SPIRE1: variants seen among roughly 807,000 people sequenced by gnomAD.
SPIRE1 encodes protein spire homolog 1.
Under a neutral mutation model 94.1 loss-of-function variants are expected in SPIRE1, and 40 were observed. The observed-to-expected ratio is 0.43, with a 90% CI of 0.33 to 0.55. The LOEUF (loss-of-function observed/expected upper bound fraction) is 0.55. Ranked by LOEUF, SPIRE1 falls within the 20% of genes least tolerant of loss-of-function variation. SPIRE1 has a pLI of 0.06. For synonymous variants in SPIRE1, 376 were observed against 371.7 expected (o/e 1.01, Z -0.13); for missense variants, 838 against 975.2 (o/e 0.86, Z 1.87).
At chr18:12,606,315 A>G (rs1350903540) in intron 2 of SPIRE1, among the ~76,000 whole-genome samples, 1 of 152,150 alleles carries the variant, frequency 6.6e-6, no homozygotes, top group African/African-American at 2.4e-5. Context: ...TGTCTGGCAC[A>G]TTAAGTTCTC....
chr18:12,502,084 C>T (rs553408796), intron 6 of SPIRE1, among the ~76,000 whole-genome samples: 1 of 152,274 alleles, frequency 6.6e-6, no homozygotes, highest in South Asian at 2.1e-4. Flanking sequence ...CTTCCCTAAG[C>T]CTCATCTAGG....
intron 1 of SPIRE1, among the ~76,000 whole-genome samples, chr18:12,644,743 T>C (rs1393821867): frequency 6.6e-6 from 1 of 152,246 alleles, no homozygotes; most frequent in African/African-American, 2.4e-5. Flanking sequence ...ATATTTAATA[T>C]TGTTTTAGAA....
intron 10 of SPIRE1, among the ~76,000 whole-genome samples, chr18:12,465,825 C>G (rs959998648): frequency 6.6e-6 from 1 of 151,974 alleles, no homozygotes; most frequent in African/African-American, 2.4e-5. Flanking sequence ...GTGGCTCGCA[C>G]CTATAATCCC....
intron 1 of SPIRE1, among the ~76,000 whole-genome samples, chr18:12,656,090 G>C (rs1162411539): frequency 6.6e-6 from 1 of 152,050 alleles, no homozygotes; most frequent in Non-Finnish European, 1.5e-5. Context: ...ATAGAGACGG[G>C]GTTTCACCAT....
chr18:12,638,612 G>A (rs888575889), intron 1 of SPIRE1, among the ~76,000 whole-genome samples: 3 of 152,126 alleles, frequency 2.0e-5, no homozygotes, highest in Non-Finnish European at 4.4e-5. Context: ...TAATCCTCTT[G>A]ATATGGTTTG....
At chr18:12,505,294 C>A (rs1371936663) in intron 6 of SPIRE1, among the ~76,000 whole-genome samples, 1 of 152,094 alleles carries the variant, frequency 6.6e-6, no homozygotes, top group Non-Finnish European at 1.5e-5. Context: ...CCTATAATCC[C>A]AGCACTTTGG....
chr18:12,643,614 T>C (rs1168997893), intron 1 of SPIRE1, among the ~76,000 whole-genome samples: 1 of 152,198 alleles, frequency 6.6e-6, no homozygotes, highest in African/African-American at 2.4e-5. Context: ...CTACCAGCCA[T>C]ATCCACTTAC....
chr18:12,520,314 T>G (rs1427708493), intron 4 of SPIRE1, among the ~76,000 whole-genome samples: 1 of 152,216 alleles, frequency 6.6e-6, no homozygotes, highest in Non-Finnish European at 1.5e-5. Flanking sequence ...GGGTACAATT[T>G]AATGTAATAT....
chr18:12,459,702 C>T (rs2031690569), intron 12 of SPIRE1: 4 of 957,370 alleles, frequency 4.2e-6, no homozygotes, highest in Non-Finnish European at 3.7e-6. Context: ...GAGGTGTCAC[C>T]GTCAGAGATA....
At chr18:12,612,988 G>C (rs1353287018) in intron 2 of SPIRE1, among the ~76,000 whole-genome samples, 4 of 152,046 alleles carry the variant, frequency 2.6e-5, no homozygotes, top group African/African-American at 9.7e-5. Context: ...ACTTTCCATA[G>C]CACTCAGCAC....
intron 4 of SPIRE1, among the ~76,000 whole-genome samples, chr18:12,522,805 A>G (rs1236362487): frequency 6.6e-6 from 1 of 152,198 alleles, no homozygotes; most frequent in Non-Finnish European, 1.5e-5. Context: ...GTTTACAGCA[A>G]AAAAGATTCC....
intron 6 of SPIRE1, among the ~76,000 whole-genome samples, chr18:12,502,064 C>T (rs868644589): frequency 1.3e-5 from 2 of 152,176 alleles, no homozygotes; most frequent in African/African-American, 4.8e-5. Context: ...CATTCTATCA[C>T]ACACCATTAC....
chr18:12,660,233 A>T (rs2038667991), upstream of SPIRE1, among the ~76,000 whole-genome samples: 1 of 152,190 alleles, frequency 6.6e-6, no homozygotes, highest in Non-Finnish European at 1.5e-5. Flanking sequence ...GGGAAGGAGG[A>T]AGTGAGTAAA....
intron 4 of SPIRE1, among the ~76,000 whole-genome samples, chr18:12,513,211 A>T (rs1023827186): frequency 2.0e-5 from 3 of 152,206 alleles, no homozygotes; most frequent in African/African-American, 4.8e-5. Context: ...ATTTTAATTG[A>T]TAAAAATGCC....
chr18:12,601,245 C>T (rs1399032045), intron 2 of SPIRE1, among the ~76,000 whole-genome samples: 1 of 150,976 alleles, frequency 6.6e-6, no homozygotes. Context: ...AAAACCCCAT[C>T]TCTACCAAAA....
At chr18:12,543,507 T>C (rs1284445464) in intron 3 of SPIRE1, among the ~76,000 whole-genome samples, 1 of 152,172 alleles carries the variant, frequency 6.6e-6, no homozygotes, top group East Asian at 1.9e-4. Context: ...CTAACATTAC[T>C]CTCCCCCTGA....
At chr18:12,478,783 TG>T (rs2032722584) in intron 10 of SPIRE1, among the ~76,000 whole-genome samples, 1 of 152,032 alleles carries the variant, frequency 6.6e-6, no homozygotes. Context: ...ACATCGCAGA[TG>T]GGGGCTTGAG....
intron 2 of SPIRE1, among the ~76,000 whole-genome samples, chr18:12,629,247 G>C (rs992936819): frequency 6.6e-6 from 1 of 152,140 alleles, no homozygotes; most frequent in African/African-American, 2.4e-5. Context: ...AATTTGGAAA[G>C]CTGGAAAAAA....
At chr18:12,497,269 C>T (rs2084879275) in intron 6 of SPIRE1, among the ~76,000 whole-genome samples, 1 of 152,178 alleles carries the variant, frequency 6.6e-6, no homozygotes, top group Admixed American at 6.5e-5. Context: ...CTCTAATGTC[C>T]TCTCTTTTTA....
Sources: gnomAD v4.1 joint callset for allele counts (sites outside exome capture counted in the v4.1 genomes callset) on GRCh38, gnomAD v4.1.1 for gene constraint, MANE v1.5 for transcripts, NCBI Gene and HGNC (gene_info 2026-07-23, HGNC 2026-07-21) for gene names.